CDK6: variants seen among roughly 807,000 people sequenced by gnomAD.
CDK6 encodes cyclin-dependent kinase 6.
Under a neutral mutation model 37.1 loss-of-function variants are expected in CDK6, and 6 were observed. The ratio of observed to expected loss-of-function variants is 0.16; its 90% confidence interval spans 0.09 to 0.32. The LOEUF is 0.32. Ranked by LOEUF, CDK6 falls within the 10% of genes least tolerant of loss-of-function variation. The probability of loss-of-function intolerance (pLI) is 1.00; values close to 1 mark genes in which losing one functional copy is unlikely to be tolerated. For synonymous variants in CDK6, 160 were observed against 161.3 expected, an observed-to-expected ratio of 0.99 and a Z score of 0.06; for missense variants, 224 against 418.9, an observed-to-expected ratio of 0.53 and a Z score of 4.06.
chr7:92,701,074 C>T (rs1487199143), intron 4 of CDK6, among the ~76,000 whole-genome samples: 1 of 152,244 alleles, frequency 6.6e-6, no homozygotes, highest in Non-Finnish European at 1.5e-5. Context: ...CTGCCCAGAA[C>T]CTCTGGCCCC....
At chr7:92,740,491 T>C (rs558448297) in intron 3 of CDK6, among the ~76,000 whole-genome samples, 4 of 152,326 alleles carry the variant, frequency 2.6e-5, no homozygotes, top group South Asian at 2.1e-4. Flanking sequence ...ACAGAACTTA[T>C]TCCACTTTAC....
rs535938311 is a variant in CDK6 at position 92,767,903 on chromosome 7, A to T, written c.369+6793T>A. ...GTAAAAGTTTGGATGCCTGTTTTTT[A>T]AAAAAAACAGAATGTCTCTAAACAC... On this transcript the variant is annotated intron_variant, in intron 3 of 7. Transcript: ENST00000424848. Among the ~76,000 whole-genome samples, 55 of 151,964 alleles carry T rather than the reference A, an allele frequency of 3.6e-4. No individual in the cohort carries two copies. In the East Asian group the frequency reaches 7.5e-3, roughly 21 times the overall value.
intron 3 of CDK6, among the ~76,000 whole-genome samples, chr7:92,744,267 T>C (rs1189195655): frequency 6.6e-6 from 1 of 152,120 alleles, no homozygotes; most frequent in Non-Finnish European, 1.5e-5. Context: ...CTCACAATCA[T>C]GGCGGAAGGC....
chr7:92,687,834 T>C (rs1209294835), intron 4 of CDK6, among the ~76,000 whole-genome samples: 1 of 152,192 alleles, frequency 6.6e-6, no homozygotes, highest in Non-Finnish European at 1.5e-5. Context: ...CCTGCACCCC[T>C]ATTTATATAA....
chr7:92,704,107 T>G (rs1310281850), intron 4 of CDK6, among the ~76,000 whole-genome samples: 1 of 152,146 alleles, frequency 6.6e-6, no homozygotes, highest in Non-Finnish European at 1.5e-5. Context: ...CAAAAGACCT[T>G]CTTTGACCAC....
intron 3 of CDK6, among the ~76,000 whole-genome samples, chr7:92,737,977 C>A (rs1798826386): frequency 6.6e-6 from 1 of 152,192 alleles, no homozygotes. Context: ...CACATCTGTG[C>A]ATATTATCTG....
chr7:92,644,998 G>A (rs1230700255), intron 5 of CDK6, among the ~76,000 whole-genome samples: 1 of 152,202 alleles, frequency 6.6e-6, no homozygotes, highest in East Asian at 1.9e-4. Flanking sequence ...ACCTGTCTGA[G>A]AGGGAAGACA....
intron 5 of CDK6, among the ~76,000 whole-genome samples, chr7:92,641,539 C>T (rs531509907): frequency 1.4e-4 from 22 of 152,242 alleles, no homozygotes; most frequent in African/African-American, 5.3e-4. Context: ...ATACTATAGA[C>T]TTATACTCTT....
At chr7:92,690,143 C>G (rs1034030061) in intron 4 of CDK6, among the ~76,000 whole-genome samples, 25 of 152,016 alleles carry the variant, frequency 1.6e-4, no homozygotes, top group Non-Finnish European at 8.8e-5. Context: ...TTCCGTTTGT[C>G]CATTTTTGCT....
intron 3 of CDK6, among the ~76,000 whole-genome samples, chr7:92,772,602 T>C (rs930684422): frequency 1.2e-4 from 18 of 152,054 alleles, no homozygotes; most frequent in Admixed American, 8.5e-4. Context: ...CACCCCCTTC[T>C]AGCAAGCCTC....
At chr7:92,740,882 C>T (rs1464566016) in intron 3 of CDK6, among the ~76,000 whole-genome samples, 1 of 152,110 alleles carries the variant, frequency 6.6e-6, no homozygotes, top group Non-Finnish European at 1.5e-5. Flanking sequence ...GTACACGTGG[C>T]CCCTCTGCAA....
At chr7:92,750,449 C>T (rs1436535622) in intron 3 of CDK6, among the ~76,000 whole-genome samples, 1 of 152,124 alleles carries the variant, frequency 6.6e-6, no homozygotes, top group Non-Finnish European at 1.5e-5. Context: ...GGTTACAATC[C>T]TAATTTGTGG....
intron 4 of CDK6, among the ~76,000 whole-genome samples, chr7:92,699,906 T>C (rs967194049): frequency 6.6e-6 from 1 of 152,210 alleles, no homozygotes; most frequent in Non-Finnish European, 1.5e-5. Flanking sequence ...ATGCCTCTGT[T>C]TCCTCACCTG....
chr7:92,725,616 T>G lies in CDK6; in HGVS notation c.537+10A>C, dbSNP rs758325365. On this transcript the variant is annotated intron_variant, in intron 4 of 7. Coordinates refer to ENST00000424848, the MANE Select transcript of CDK6 (RefSeq NM_001145306.2). ...TAAGTTTAATAAAAGGACAGCACTC[T>G]CTCACTCACCACTGAGGTTAGAGCC... The G allele has an allele frequency of 1.9e-6, 3 of 1,608,992 alleles. No individual in the cohort carries two copies. The Admixed American group carries it at 5.1e-5, about 27-fold the overall frequency.
rs1801650997 is a variant in CDK6 at position 92,835,775 on chromosome 7, G to A, written c.-368+703C>T. ...CACGCAGATGCGCCCATATGCACAC[G>A]GACGGGCGCGCTGCGGGGACCAGGG... On this transcript the variant is annotated intron_variant, in intron 1 of 7. Coordinates refer to ENST00000424848, the MANE Select transcript of CDK6 (RefSeq NM_001145306.2). The surrounding 1 kb of genome is among the most constrained non-coding windows in gnomAD (Gnocchi z 4.2). Among the ~76,000 whole-genome samples the A allele has an allele frequency of 6.6e-6, 1 of 152,198 alleles. No homozygotes were observed. The highest frequency in any genetic ancestry group is 2.4e-5 in the African/African-American group (1 of 41,446).
chr7:92,618,614 G>A (rs748262413), intron 6 of CDK6, among the ~76,000 whole-genome samples: 8 of 152,034 alleles, frequency 5.3e-5, no homozygotes, highest in Non-Finnish European at 1.0e-4. Context: ...TGTTTTGATC[G>A]AACACCCCAG....
rs1801659961 is a variant in CDK6 at position 92,835,979 on chromosome 7, G to A, written c.-368+499C>T. Among the ~76,000 whole-genome samples the A allele has an allele frequency of 1.3e-5, 2 of 152,214 alleles. No homozygotes were observed. The highest frequency in any genetic ancestry group is 2.9e-5 in the Non-Finnish European group (2 of 68,034). On this transcript the variant is annotated intron_variant, in intron 1 of 7. Coordinates refer to ENST00000424848, the MANE Select transcript of CDK6 (RefSeq NM_001145306.2). The surrounding 1 kb of genome is among the most constrained non-coding windows in gnomAD (Gnocchi z 4.2). The stretch of plus-strand genomic sequence containing the variant: ...TGCGTTAACATTTATCTCGTGGAGG[G>A]GAAGGTGGAGCCCACACCCACACCT...
At chr7:92,724,332 G>A (rs904386424) in intron 4 of CDK6, among the ~76,000 whole-genome samples, 6 of 152,174 alleles carry the variant, frequency 3.9e-5, no homozygotes, top group African/African-American at 1.4e-4. Context: ...GCTGGGCAAA[G>A]AGGAAATGAG....
rs78810586 is a variant in CDK6, at chr7:92,772,213, A to T, written c.369+2483T>A. Among the ~76,000 whole-genome samples the T allele has an allele frequency of 2.4e-3, 372 of 152,094 alleles. 2 individuals carry two copies. Among genetic ancestry groups the T allele is most frequent in the African/African-American group, 7.9e-3 (326 of 41,508 alleles). Reference sequence around the variant, plus strand: ...TAGTATAGTTCAGAATTTTTTTTTTAAATTAAGAATGAAGATAAAAGAGTC... The same window carrying T: ...TAGTATAGTTCAGAATTTTTTTTTTTAATTAAGAATGAAGATAAAAGAGTC... On this transcript the variant is annotated intron_variant, in intron 3 of 7. Transcript: ENST00000424848.
Sources: allele counts gnomAD v4.1 joint callset (sites outside exome capture counted in the v4.1 genomes callset), GRCh38; gene constraint gnomAD v4.1.1; non-coding constraint Gnocchi (gnomAD v3.1); transcripts MANE v1.5; gene names NCBI Gene and HGNC (gene_info 2026-07-23, HGNC 2026-07-21).